The following PLEKHA7 variants were observed in gnomAD, a reference collection of about 807,000 sequenced individuals.
The protein encoded by PLEKHA7 is pleckstrin homology domain-containing family A member 7.
PLEKHA7 carries 104 observed loss-of-function variants against 170.0 expected under a neutral mutation model. The observed-to-expected ratio is 0.61, with a 90% CI of 0.52 to 0.72. PLEKHA7 has a LOEUF of 0.72. PLEKHA7 is among the 30% of genes least tolerant of loss of function. The probability of loss-of-function intolerance (pLI) is 0.00; values close to 1 mark genes in which losing one functional copy is unlikely to be tolerated. For missense variants in PLEKHA7, 1,615 were observed against 1,671.7 expected (o/e 0.97, Z 0.59); for synonymous variants, 648 against 660.8 (o/e 0.98, Z 0.30).
intron 3 of PLEKHA7, among the ~76,000 whole-genome samples, chr11:16,887,318 TCC>T: frequency 7.8e-6 from 1 of 128,166 alleles, no homozygotes; most frequent in South Asian, 2.5e-4. Context: ...CCTCTCCCTC[TCC>T]CTCTCCCCAC....
intron 3 of PLEKHA7, among the ~76,000 whole-genome samples, chr11:16,998,956 C>G (rs1217232049): frequency 2.8e-5 from 4 of 142,248 alleles, no homozygotes; most frequent in South Asian, 2.4e-4. Context: ...TACAATCCCC[C>G]ACTCACTCCC....
intron 26 of PLEKHA7, among the ~76,000 whole-genome samples, chr11:16,780,299 T>G (rs1252941394): frequency 1.3e-5 from 2 of 152,212 alleles, no homozygotes; most frequent in Non-Finnish European, 2.9e-5. Flanking sequence ...CTCTCATCAC[T>G]AGATGCCCAC....
intron 3 of PLEKHA7, among the ~76,000 whole-genome samples, chr11:17,002,215 T>A (rs1364004787): frequency 1.3e-5 from 2 of 152,198 alleles, no homozygotes; most frequent in Non-Finnish European, 2.9e-5. Context: ...GAACTGCTTC[T>A]GAGGGATAAC....
rs1169142909 is a variant in PLEKHA7, at chr11:16,957,697, CTTTTTT to C, written c.221+56286_221+56291del. 1.1e-3 allele frequency among the ~76,000 whole-genome samples: 100 copies of C among 87,306 alleles called. 1 individual carries two copies. The highest frequency in any genetic ancestry group is 5.0e-3 in the African/African-American group (98 of 19,792). The allele number at this position is 87,306 out of a possible 152,430, so 57.3% of individuals were successfully genotyped here. A position where few individuals can be genotyped will look rare whatever the true frequency, so the allele number is the denominator to read the frequency against. On this transcript the variant is annotated intron_variant, in intron 3 of 26. Transcript: ENST00000531066. ...TGAATTTTACCTCAATAATTTTTTT[CTTTTTT>C]TTTTTTTTTTTTTTTTTTGAGACAG...
chr11:16,848,642 A>G (rs1253728908), intron 8 of PLEKHA7, among the ~76,000 whole-genome samples: 1 of 152,256 alleles, frequency 6.6e-6, no homozygotes, highest in Non-Finnish European at 1.5e-5. Context: ...ATTTCAAGAT[A>G]CCTGCAACAA....
chr11:16,882,976 A>G (rs1855822028), intron 3 of PLEKHA7, among the ~76,000 whole-genome samples: 1 of 152,114 alleles, frequency 6.6e-6, no homozygotes, highest in Non-Finnish European at 1.5e-5. Context: ...TAGAAGGTAA[A>G]TTATATTATC....
chr11:16,888,874 T>C, intron 3 of PLEKHA7, among the ~76,000 whole-genome samples: 1 of 133,714 alleles, frequency 7.5e-6, no homozygotes, highest in East Asian at 2.2e-4. Context: ...ATTAAAAAAA[T>C]TAAAAAAAAC....
intron 3 of PLEKHA7, among the ~76,000 whole-genome samples, chr11:16,992,037 C>T (rs1234898347): frequency 2.0e-5 from 3 of 151,868 alleles, no homozygotes; most frequent in Non-Finnish European, 4.4e-5. Flanking sequence ...GATGCTGGTA[C>T]TGGGTAGGCC....
chr11:16,852,231 C>A, intron 7 of PLEKHA7, 52 bp downstream of exon 7: 1 of 1,521,264 alleles, frequency 6.6e-7, no homozygotes, highest in Non-Finnish European at 9.1e-7. Context: ...CAACCATCCA[C>A]ATATGTAAAA....
intron 3 of PLEKHA7, among the ~76,000 whole-genome samples, chr11:16,888,388 T>C (rs1856333997): frequency 6.6e-6 from 1 of 152,234 alleles, no homozygotes; most frequent in African/African-American, 2.4e-5. Context: ...CGATGGCGGT[T>C]TTGTTGAGTA....
chr11:16,880,317 T>C (rs1199819012), intron 3 of PLEKHA7, among the ~76,000 whole-genome samples: 1 of 152,202 alleles, frequency 6.6e-6, no homozygotes. Flanking sequence ...CACACACTGG[T>C]AGTGCATGAC....
chr11:17,007,051 A>G (rs1865042082), intron 3 of PLEKHA7, among the ~76,000 whole-genome samples: 1 of 152,202 alleles, frequency 6.6e-6, no homozygotes, highest in African/African-American at 2.4e-5. Flanking sequence ...TCGGAGGACC[A>G]GGTTCTTAAC....
At chr11:16,931,387 C>T (rs1859910452) in intron 3 of PLEKHA7, among the ~76,000 whole-genome samples, 1 of 152,094 alleles carries the variant, frequency 6.6e-6, no homozygotes, top group Non-Finnish European at 1.5e-5. Context: ...TCTACCTTTA[C>T]CTTCTAGCAA....
chr11:16,812,670 G>C (rs216494), intron 13 of PLEKHA7, among the ~76,000 whole-genome samples: 3 of 152,078 alleles, frequency 2.0e-5, no homozygotes, highest in African/African-American at 7.2e-5. Context: ...GGAGACTACC[G>C]GTGAGCCTCA....
In PLEKHA7 at chr11:16,783,707, G is replaced by A. The variant is rs944217040; in HGVS notation, c.3643C>T (p.Arg1215Trp). Residue 1215 changes from arginine (R) to tryptophan (W), a missense_variant, in exon 25 of 27, where the codon CGG (arginine) becomes TGG (tryptophan). Transcript: ENST00000531066. ...GAGCAAGCGAGGGCTGACCTTGACC[G>A]GGCGAGGATGTTGCGGATCTTCTCG... ...KAEKIRNILA[R>W]SSMCNLQPTS... 1.2e-5 allele frequency: 18 copies of A among 1,455,134 alleles called. No homozygotes were observed. The highest frequency in any genetic ancestry group is 1.7e-4 in the Middle Eastern group (1 of 5,716). The allele number at this position is 1,455,134 out of a possible 1,614,324, so 90.1% of individuals were successfully genotyped here. A position where few individuals can be genotyped will look rare whatever the true frequency, so the allele number is the denominator to read the frequency against.
At chr11:16,833,383 A>T (rs1851269207) in intron 9 of PLEKHA7, among the ~76,000 whole-genome samples, 1 of 152,186 alleles carries the variant, frequency 6.6e-6, no homozygotes, top group Non-Finnish European at 1.5e-5. Flanking sequence ...AGAGGAAAAA[A>T]GCTATTCCAG....
intron 8 of PLEKHA7, chr11:16,842,379 G>A (rs1852036802): frequency 6.5e-6 from 1 of 153,348 alleles, no homozygotes; most frequent in Non-Finnish European, 1.5e-5. Context: ...CCCTCCTGAA[G>A]CTGCACACCA....
intron 3 of PLEKHA7, among the ~76,000 whole-genome samples, chr11:16,957,325 T>A (rs942639733): frequency 4.6e-5 from 7 of 152,174 alleles, no homozygotes; most frequent in Non-Finnish European, 5.9e-5. Flanking sequence ...TTCTGGTATA[T>A]CCATATGACA....
chr11:16,905,109 G>T (rs1857571295), intron 3 of PLEKHA7, among the ~76,000 whole-genome samples: 1 of 152,016 alleles, frequency 6.6e-6, no homozygotes, highest in Admixed American at 6.6e-5. Context: ...AAAATTAGCT[G>T]GGTGTGGTGG....
Sources: gnomAD v4.1 joint callset for allele counts (sites outside exome capture counted in the v4.1 genomes callset) on GRCh38, gnomAD v4.1.1 for gene constraint, MANE v1.5 for transcripts, NCBI Gene and HGNC (gene_info 2026-07-23, HGNC 2026-07-21) for gene names.